Variants in ANK1 observed in about 807,000 individuals in gnomAD.
ANK1 encodes the protein ankyrin 1, also known as ankyrin-1.
In ANK1, 51 loss-of-function variants were observed where a neutral mutation model predicts 210.4. That is an observed-to-expected ratio of 0.24 (90% CI 0.19 to 0.31). The LOEUF (loss-of-function observed/expected upper bound fraction) is 0.31, where lower values mean the gene tolerates loss of function less well. ANK1 is among the 10% of genes least tolerant of loss of function. ANK1 has a pLI of 1.00. For synonymous variants in ANK1, 967 were observed against 1,025.9 expected, an observed-to-expected ratio of 0.94 and a Z score of 1.10; for missense variants, 2,051 against 2,504.4, an observed-to-expected ratio of 0.82 and a Z score of 3.86.
chr8:41,802,565 T>A (rs977654923), upstream of ANK1, among the ~76,000 whole-genome samples: 6 of 152,210 alleles, frequency 3.9e-5, no homozygotes, highest in Admixed American at 3.9e-4. Context: ...CTGCAACTAA[T>A]AATACATTTT....
At chr8:41,726,025 C>T (rs1830616453) in intron 5 of ANK1, 79 bp from the exon 6 acceptor site, 2 of 1,503,612 alleles carry the variant, frequency 1.3e-6, no homozygotes, top group African/African-American at 1.4e-5. Flanking sequence ...CCTTGCCCCT[C>T]GGGCTTATGC....
intron 2 of ANK1, among the ~76,000 whole-genome samples, chr8:41,736,432 G>A (rs1311746236): frequency 3.3e-5 from 5 of 152,198 alleles, no homozygotes; most frequent in South Asian, 2.1e-4. Context: ...CCAACCCAGC[G>A]GCAGCCTTAT....
intron 2 of ANK1, among the ~76,000 whole-genome samples, chr8:41,750,147 C>T (rs1837329134): frequency 6.6e-6 from 1 of 152,250 alleles, no homozygotes; most frequent in Non-Finnish European, 1.5e-5. Flanking sequence ...GAAAGTACTA[C>T]ACTGTAGCAG....
chr8:41,859,053 G>C (rs1327669136), intron 1 of ANK1, among the ~76,000 whole-genome samples: 1 of 152,220 alleles, frequency 6.6e-6, no homozygotes, highest in Non-Finnish European at 1.5e-5. Context: ...CAGGAGAGCA[G>C]GGCCTCAGGA....
chr8:41,698,355 C>T (rs571985784), intron 23 of ANK1, among the ~76,000 whole-genome samples: 1 of 152,318 alleles, frequency 6.6e-6, no homozygotes, highest in Non-Finnish European at 1.5e-5. Flanking sequence ...CTCGCTCTGG[C>T]TAACAATATA....
At chr8:41,846,795 A>G (rs1587390819) in intron 1 of ANK1, among the ~76,000 whole-genome samples, 1 of 151,140 alleles carries the variant, frequency 6.6e-6, no homozygotes, top group South Asian at 2.1e-4. Flanking sequence ...TTTTTCCCAC[A>G]CCCTCCCACC....
Position 41,655,141 on chromosome 8 carries a change from T to TCGCC in ANK1, c.*648_*649insGGCG. 1 of 148,558 alleles carries TCGCC rather than the reference T, an allele frequency of 6.7e-6. No individual in the cohort carries two copies. Among genetic ancestry groups the TCGCC allele is most frequent in the Non-Finnish European group, 1.5e-5 (1 of 66,862 alleles). 9.2% of individuals were successfully genotyped at this position (148,558 alleles called of 1,614,324 possible). ...AGTGGAGGCGAGTGGTGTGTGTGTG[T>TCGCC]GTGTGTGTGTGTCCTGAATGTCATG... On this transcript the variant is annotated 3_prime_UTR_variant, in exon 43 of 43. Transcript: ENST00000289734.
At chr8:41,846,132 G>A (rs1315519860) in intron 1 of ANK1, among the ~76,000 whole-genome samples, 1 of 152,212 alleles carries the variant, frequency 6.6e-6, no homozygotes, top group Non-Finnish European at 1.5e-5. Context: ...GTCTATGATT[G>A]GACAAACAAG....
Position 41,838,100 on chromosome 8 carries a change from CAT to C in ANK1, c.126+58253_126+58254del, listed in dbSNP as rs369267427. Among the ~76,000 whole-genome samples, 23 of 152,326 alleles carry C rather than the reference CAT, an allele frequency of 1.5e-4. No individual in the cohort carries two copies. The East Asian group carries it at 2.7e-3, about 18-fold the overall frequency. The stretch of plus-strand genomic sequence containing the variant: ...ACAGTGCTCACAGACATGTTAATAA[CAT>C]AAATTGCCACTGTTTATTGAGCATT... On this transcript the variant is annotated intron_variant, in intron 1 of 42. Coordinates refer to the ANK1 transcript ENST00000265709.
chr8:41,699,398 G>T, intron 23 of ANK1, 54 bp downstream of exon 23: 1 of 1,522,648 alleles, frequency 6.6e-7, no homozygotes, highest in Non-Finnish European at 9.1e-7. Context: ...CCTGCTCTGA[G>T]CCACAGGGTT....
chr8:41,656,058 G>A (rs557297292), intron 42 of ANK1, among the ~76,000 whole-genome samples: 3 of 152,370 alleles, frequency 2.0e-5, no homozygotes, highest in African/African-American at 7.2e-5. Context: ...GGAGAGCACT[G>A]TGCTCTGTGC....
In ANK1 at chr8:41,727,440, T is replaced by G; in HGVS notation, c.328-92A>C. 3 of 892,916 alleles carry G rather than the reference T, an allele frequency of 3.4e-6. 1 individual carries two copies. The South Asian group carries it at 4.0e-5, about 12-fold the overall frequency. The allele number at this position is 892,916 out of a possible 1,614,324, so 55.3% of individuals were successfully genotyped here. A position where few individuals can be genotyped will look rare whatever the true frequency, so the allele number is the denominator to read the frequency against. On this transcript the variant is annotated intron_variant, in intron 4 of 42. Coordinates refer to ENST00000289734, the MANE Select transcript of ANK1 (RefSeq NM_000037.4). ...CGTCCTCTCACCTGGAGGACAGCGCTCTCTTCATTCCATTTCCTCCCACCT... is the reference window on the plus strand; with the variant it reads ...CGTCCTCTCACCTGGAGGACAGCGCGCTCTTCATTCCATTTCCTCCCACCT...
intron 1 of ANK1, among the ~76,000 whole-genome samples, chr8:41,831,541 G>A (rs994555342): frequency 2.6e-5 from 4 of 151,586 alleles, no homozygotes; most frequent in African/African-American, 7.3e-5. Context: ...CCAGCTACTC[G>A]GGAAACTGAG....
chr8:41,682,390 T>C (rs760050968), intron 37 of ANK1, among the ~76,000 whole-genome samples: 18 of 152,250 alleles, frequency 1.2e-4, no homozygotes, highest in Admixed American at 3.9e-4. Context: ...CGTTAACTGC[T>C]GGTGTGTGAT....
intron 2 of ANK1, among the ~76,000 whole-genome samples, chr8:41,736,279 C>T (rs1044276534): frequency 2.6e-5 from 4 of 152,202 alleles, no homozygotes; most frequent in Admixed American, 6.5e-5. Flanking sequence ...GTCGAGTGAC[C>T]AGTGCGCTGA....
intron 24 of ANK1, among the ~76,000 whole-genome samples, chr8:41,697,049 C>T (rs1279444247): frequency 2.0e-5 from 3 of 149,550 alleles, no homozygotes; most frequent in Non-Finnish European, 4.5e-5. Flanking sequence ...CAGTCTGGCT[C>T]CAGGCCCCAG....
chr8:41,825,906 G>A (rs997202892), intron 1 of ANK1, among the ~76,000 whole-genome samples: 1 of 152,116 alleles, frequency 6.6e-6, no homozygotes, highest in Non-Finnish European at 1.5e-5. Flanking sequence ...CATGATTGTG[G>A]GGTCTCCCCA....
rs2150612505 is a variant in ANK1 at position 41,704,276 on chromosome 8, T to C, written c.2196+98A>G. The C allele has an allele frequency of 7.1e-7, 1 of 1,411,860 alleles. No homozygotes were observed. The highest frequency in any genetic ancestry group is 1.0e-6 in the Non-Finnish European group (1 of 998,342). 87.5% of individuals were successfully genotyped at this position (1,411,860 alleles called of 1,614,324 possible). On this transcript the variant is annotated intron_variant, in intron 19 of 42. Coordinates refer to ENST00000289734, the MANE Select transcript of ANK1 (RefSeq NM_000037.4). This position sits in a 1 kb window ranked among gnomAD's most constrained non-coding sequence, Gnocchi z 4.1. ...TCCCCCTTTCTTCCTTCAGGGTCCA[T>C]GGTCAAAACCCTAGTGCTCCCAGAG...
intron 1 of ANK1, among the ~76,000 whole-genome samples, chr8:41,773,167 C>T (rs552873413): frequency 2.6e-5 from 4 of 152,014 alleles, no homozygotes; most frequent in African/African-American, 9.6e-5. Flanking sequence ...AGGGAGTGCC[C>T]AGTGGTCAAT....
Sources: allele counts gnomAD v4.1 joint callset (sites outside exome capture counted in the v4.1 genomes callset), GRCh38; gene constraint gnomAD v4.1.1; non-coding constraint Gnocchi (gnomAD v3.1); transcripts MANE v1.5; gene names NCBI Gene and HGNC (gene_info 2026-07-23, HGNC 2026-07-21).